FERMT1: variants seen among roughly 807,000 people sequenced by gnomAD.
The protein encoded by FERMT1 is FERM domain containing kindlin 1.
A neutral mutation model predicts 85.3 loss-of-function variants in FERMT1; 60 were observed. That is an observed-to-expected ratio of 0.70 (90% CI 0.57 to 0.87). The LOEUF (loss-of-function observed/expected upper bound fraction) is 0.87. FERMT1 is among the 40% of genes least tolerant of loss of function. The pLI, the probability that FERMT1 is intolerant of heterozygous loss-of-function variation, is 0.00. For synonymous variants in FERMT1, 275 were observed against 301.1 expected (o/e 0.91, Z 0.90); for missense variants, 701 against 818.9 (o/e 0.86, Z 1.76).
intron 14 of FERMT1, among the ~76,000 whole-genome samples, chr20:6,078,161 G>A (rs184763512): frequency 3.9e-5 from 6 of 152,254 alleles, no homozygotes. Context: ...CTAATGGTTC[G>A]TTCCTCCTCC....
chr20:6,078,633 G>GTTTTTTTTT (rs11480502), intron 14 of FERMT1, among the ~76,000 whole-genome samples: 1 of 134,678 alleles, frequency 7.4e-6, no homozygotes, highest in Non-Finnish European at 1.6e-5. Flanking sequence ...CTAGTTCAGC[G>GTTTTTTTTT]TTTTTTTTTT....
At chr20:6,119,092 C>T (rs1398607944) in intron 2 of FERMT1, among the ~76,000 whole-genome samples, 1 of 152,132 alleles carries the variant, frequency 6.6e-6, no homozygotes, top group East Asian at 1.9e-4. Context: ...GGATTACATG[C>T]ACCCACCGCC....
chr20:6,117,036 T>C (rs764214473), intron 2 of FERMT1, among the ~76,000 whole-genome samples: 3 of 152,236 alleles, frequency 2.0e-5, no homozygotes, highest in Non-Finnish European at 4.4e-5. Context: ...TCTTTATCAG[T>C]ACCACCATAT....
At chr20:6,106,590 C>T (rs1286455865) in intron 6 of FERMT1, among the ~76,000 whole-genome samples, 3 of 152,194 alleles carry the variant, frequency 2.0e-5, no homozygotes, top group South Asian at 2.1e-4. Flanking sequence ...CATTGTACCG[C>T]TGACTCTCAG....
intron 13 of FERMT1, among the ~76,000 whole-genome samples, chr20:6,081,556 G>A (rs536133230): frequency 1.3e-5 from 2 of 152,294 alleles, no homozygotes; most frequent in African/African-American, 4.8e-5. Context: ...CTTGATGACA[G>A]AAAGTAGCAG....
intron 6 of FERMT1, among the ~76,000 whole-genome samples, chr20:6,102,734 A>G (rs532403229): frequency 1.3e-5 from 2 of 151,192 alleles, no homozygotes; most frequent in East Asian, 3.9e-4. Context: ...GCTGGAAACC[A>G]CATGAGTTCT....
intron 4 of FERMT1, among the ~76,000 whole-genome samples, chr20:6,112,180 A>G (rs1445944398): frequency 6.6e-6 from 1 of 152,092 alleles, no homozygotes; most frequent in African/African-American, 2.4e-5. Flanking sequence ...CCAGCCAGTT[A>G]CCTGTTTTCT....
At chr20:6,099,404 G>GAAAAAAAAAAAAAA (rs200572377) in intron 6 of FERMT1, among the ~76,000 whole-genome samples, 1 of 111,774 alleles carries the variant, frequency 8.9e-6, no homozygotes, top group African/African-American at 3.5e-5. Context: ...AGACTGTCTC[G>GAAAAAAAAAAAAAA]AAAAAAAAAA....
chr20:6,078,632 CGTTTTTTTTTTTT>C (rs1018656242), intron 14 of FERMT1, among the ~76,000 whole-genome samples: 5 of 130,624 alleles, frequency 3.8e-5, no homozygotes, highest in Admixed American at 8.4e-5. Context: ...GCTAGTTCAG[CGTTTTTTTTTTTT>C]GTTTTTTTTT....
At chr20:6,106,588 C>T (rs933519775) in intron 6 of FERMT1, among the ~76,000 whole-genome samples, 10 of 152,256 alleles carry the variant, frequency 6.6e-5, no homozygotes, top group East Asian at 3.9e-4. Flanking sequence ...GCCATTGTAC[C>T]GCTGACTCTC....
chr20:6,097,671 T>C (rs1982547711), intron 6 of FERMT1, 40 bp from the exon 7 acceptor site: 2 of 1,297,080 alleles, frequency 1.5e-6, no homozygotes, highest in Non-Finnish European at 1.1e-6. Flanking sequence ...ATGAGGTATA[T>C]TTATATCCCA....
At chr20:6,109,543 G>T (rs897185279) in intron 5 of FERMT1, among the ~76,000 whole-genome samples, 1 of 152,172 alleles carries the variant, frequency 6.6e-6, no homozygotes, top group Non-Finnish European at 1.5e-5. Context: ...GAAATAGTTT[G>T]GGTGTATTTT....
At chr20:6,077,934 A>C (rs1981876601) in intron 14 of FERMT1, among the ~76,000 whole-genome samples, 1 of 151,754 alleles carries the variant, frequency 6.6e-6, no homozygotes, top group Admixed American at 6.6e-5. Flanking sequence ...CATGCCTCGG[A>C]CCCCCAAAGT....
rs1981845857 is a variant in FERMT1 at position 6,077,081 on chromosome 20, C to T, written c.*92G>A. The stretch of plus-strand genomic sequence containing the variant: ...GGTGAATGTATGTTGTCTGTTAGTC[C>T]AGAATCTACATGCTGGGCACGTTAG... On this transcript the variant is annotated 3_prime_UTR_variant, in exon 15 of 15. Transcript: ENST00000217289. 18 of 1,286,908 alleles carry T rather than the reference C, an allele frequency of 1.4e-5. No individual in the cohort carries two copies. The highest frequency in any genetic ancestry group is 2.0e-5 in the Non-Finnish European group (18 of 884,570). 79.7% of individuals were successfully genotyped at this position (1,286,908 alleles called of 1,614,324 possible). A position where few individuals can be genotyped will look rare whatever the true frequency, so the allele number is the denominator to read the frequency against.
chr20:6,108,386 A>G (rs930345493), intron 5 of FERMT1, among the ~76,000 whole-genome samples: 14 of 152,360 alleles, frequency 9.2e-5, no homozygotes, highest in African/African-American at 3.1e-4. Flanking sequence ...TACAGTCTTC[A>G]AAGTGCTTTA....
At chr20:6,116,091 T>C (rs763547134) in intron 2 of FERMT1, 47 bp from the exon 3 acceptor site, 10 of 1,343,824 alleles carry the variant, frequency 7.4e-6, no homozygotes, top group Admixed American at 3.6e-5. Context: ...AGGGCCCAGC[T>C]TGGAGGGTCC....
intron 11 of FERMT1, 165 bp downstream of exon 11, chr20:6,087,612 G>C: frequency 1.5e-6 from 1 of 675,586 alleles, no homozygotes; most frequent in Non-Finnish European, 2.7e-6. Flanking sequence ...CATGGCAAAT[G>C]TTTATTGTTA....
chr20:6,119,434 C>G lies in FERMT1; in HGVS notation c.121G>C (p.Gly41Arg). 1 of 1,614,128 alleles carries G rather than the reference C, an allele frequency of 6.2e-7. No individual in the cohort carries two copies. Among genetic ancestry groups the G allele is most frequent in the Non-Finnish European group, 8.5e-7 (1 of 1,179,992 alleles). Residue 41 changes from glycine (G) to arginine (R), a missense_variant, in exon 2 of 15, where the codon GGA (glycine) becomes CGA (arginine). By Grantham distance (125) the Gly-to-Arg change is moderately radical (BLOSUM62 -2). Transcript: ENST00000217289. ...LRVSGDLHVG[G>R]VMLKLVEQIN... ...TGTTCTACTAACTTGAGCATCACTCCTCCAACATGAAGGTCTCCAGATACT... is the reference window on the plus strand; with the variant it reads ...TGTTCTACTAACTTGAGCATCACTCGTCCAACATGAAGGTCTCCAGATACT...
At chr20:6,116,158 C>A in intron 2 of FERMT1, 114 bp from the exon 3 acceptor site, 1 of 771,868 alleles carries the variant, frequency 1.3e-6, no homozygotes, top group South Asian at 1.5e-5. Context: ...AACTGATCTC[C>A]AGCTCCTCAT....
Sources: allele counts gnomAD v4.1 joint callset (sites outside exome capture counted in the v4.1 genomes callset), GRCh38; gene constraint gnomAD v4.1.1; transcripts MANE v1.5; gene names NCBI Gene and HGNC (gene_info 2026-07-23, HGNC 2026-07-21).